Variants in ZGRF1 observed in about 807,000 individuals in gnomAD.
The protein encoded by ZGRF1 is zinc finger GRF-type containing 1, also known as 5'-3' DNA helicase ZGRF1.
Under a neutral mutation model 203.5 loss-of-function variants are expected in ZGRF1, and 196 were observed. The ratio of observed to expected loss-of-function variants is 0.96; its 90% CI spans 0.86 to 1.08. The LOEUF (loss-of-function observed/expected upper bound fraction) is 1.08. Ranked by LOEUF, ZGRF1 falls within the 50% of genes least tolerant of loss-of-function variation. The probability of loss-of-function intolerance (pLI) is 0.00; values close to 1 mark genes in which losing one functional copy is unlikely to be tolerated. For missense variants in ZGRF1, 2,326 were observed against 2,416.3 expected, an observed-to-expected ratio of 0.96 and a Z score of 0.78; for synonymous variants, 809 against 841.3, an observed-to-expected ratio of 0.96 and a Z score of 0.66.
intron 11 of ZGRF1, 177 bp downstream of exon 11, chr4:112,589,547 G>T (rs1379278922): frequency 3.4e-6 from 2 of 596,170 alleles, no homozygotes; most frequent in Non-Finnish European, 3.0e-6. Flanking sequence ...AGGGAATATT[G>T]TACCTGGAAT....
intron 4 of ZGRF1, among the ~76,000 whole-genome samples, chr4:112,622,129 A>G (rs2047081231): frequency 6.6e-6 from 1 of 152,226 alleles, no homozygotes; most frequent in Admixed American, 6.5e-5. Context: ...TAAAAGTAAC[A>G]TAACCACTAC....
Position 112,583,992 on chromosome 4 carries a change from G to T in ZGRF1, c.4284C>A (p.Cys1428Ter). The change falls in exon 15 of 28, where the codon TGC becomes TGA. Residue 1428 changes from cysteine to a stop codon, truncating the protein, a stop_gained. Coordinates refer to ENST00000505019, the MANE Select transcript of ZGRF1 (RefSeq NM_018392.5). LOFTEE classifies it high-confidence loss of function. ...RSQKIPLYEE[C>*]QLLVRKGFDF... ...ATAAAACATACCTCACCAAAAGCTGGCATTCCTCATAAAGTGGTATCTTTT... is the reference window on the plus strand; with the variant it reads ...ATAAAACATACCTCACCAAAAGCTGTCATTCCTCATAAAGTGGTATCTTTT... 1 of 1,598,832 alleles carries T rather than the reference G, an allele frequency of 6.3e-7. No homozygotes were observed. The highest frequency in any genetic ancestry group is 8.5e-7 in the Non-Finnish European group (1 of 1,173,816).
chr4:112,543,705 G>A (rs574211585), intron 24 of ZGRF1, among the ~76,000 whole-genome samples: 1 of 152,322 alleles, frequency 6.6e-6, no homozygotes, highest in East Asian at 1.9e-4. Flanking sequence ...AGGAATGACA[G>A]TTTCTTTGAA....
At chr4:112,588,107 A>C (rs145145617) in intron 11 of ZGRF1, among the ~76,000 whole-genome samples, 178 bp from the exon 12 acceptor site, 1 of 152,134 alleles carries the variant, frequency 6.6e-6, no homozygotes, top group Non-Finnish European at 1.5e-5. Flanking sequence ...TAAAGATTTC[A>C]AAGCTTAATT....
In ZGRF1 at chr4:112,589,718, G is replaced by A. The variant is rs773962344; in HGVS notation, c.3127+6C>T. 1.1e-5 allele frequency: 18 copies of A among 1,612,918 alleles called. No homozygotes were observed. Among genetic ancestry groups the A allele is most frequent in the East Asian group, 4.5e-5 (2 of 44,866 alleles). On this transcript the variant is annotated splice_donor_region_variant and intron_variant, in intron 11 of 27. Coordinates refer to ENST00000505019, the MANE Select transcript of ZGRF1 (RefSeq NM_018392.5). ...ACAGATATTAGAGCAATGTGGTAAC[G>A]ACTACCCTCCAAGTTGAGAAAATGA...
chr4:112,617,123 C>T (rs1223925616), intron 6 of ZGRF1, among the ~76,000 whole-genome samples: 1 of 151,946 alleles, frequency 6.6e-6, no homozygotes, highest in Non-Finnish European at 1.5e-5. Flanking sequence ...CACACACATA[C>T]ATACATATAT....
chr4:112,579,023 T>A (rs1745738147), intron 16 of ZGRF1, among the ~76,000 whole-genome samples: 1 of 122,734 alleles, frequency 8.1e-6, no homozygotes, highest in Non-Finnish European at 1.8e-5. Context: ...AAATCCTCAA[T>A]AAAATACTGG....
At chr4:112,608,931 T>G (rs1468534588) in intron 8 of ZGRF1, among the ~76,000 whole-genome samples, 2 of 152,198 alleles carry the variant, frequency 1.3e-5, no homozygotes, top group Non-Finnish European at 1.5e-5. Flanking sequence ...GATCATATAG[T>G]ACATTTATAC....
intron 8 of ZGRF1, among the ~76,000 whole-genome samples, chr4:112,608,847 T>C (rs1357543371): frequency 1.3e-5 from 2 of 152,142 alleles, no homozygotes; most frequent in African/African-American, 2.4e-5. Flanking sequence ...CAATGACCCA[T>C]GGGTTTGGTA....
intron 1 of ZGRF1, among the ~76,000 whole-genome samples, chr4:112,634,536 A>G (rs2047516227): frequency 6.6e-6 from 1 of 151,968 alleles, no homozygotes; most frequent in African/African-American, 2.4e-5. Flanking sequence ...CTATAATCCC[A>G]GCTACTTGGG....
chr4:112,554,053 TTTTC>T (rs1486521799), intron 21 of ZGRF1, 71 bp from the exon 22 acceptor site: 6 of 1,365,870 alleles, frequency 4.4e-6, no homozygotes, highest in Non-Finnish European at 5.9e-6. Flanking sequence ...AAAATATAGA[TTTTC>T]TTTTTTTTAT....
At chr4:112,612,458 T>C in intron 7 of ZGRF1, 66 bp downstream of exon 7, 1 of 1,043,408 alleles carries the variant, frequency 9.6e-7, no homozygotes, top group Non-Finnish European at 1.5e-6. Flanking sequence ...ACTATAATTC[T>C]ATTACAAATT....
At position 112,612,558 on chromosome 4, in the gene ZGRF1, G is replaced by A. The variant is rs1191028547; in HGVS notation, c.2633C>T (p.Pro878Leu). 1 of 1,607,194 alleles carries A rather than the reference G, an allele frequency of 6.2e-7. No homozygotes were observed. Among genetic ancestry groups the A allele is most frequent in the African/African-American group, 1.3e-5 (1 of 74,734 alleles). ...ATCCTTGTGCAGATGAGGAGACTTTGGTGAAACTACTGTAATAAATGGTTT... is the reference window on the plus strand; with the variant it reads ...ATCCTTGTGCAGATGAGGAGACTTTAGTGAAACTACTGTAATAAATGGTTT... Reference protein sequence around the residue: ...VRKPFITVVSPKSPHLHKDSQ... With the variant: ...VRKPFITVVSLKSPHLHKDSQ... The change falls in exon 7 of 28, where the codon CCA becomes CTA. Residue 878 changes from proline to leucine, a missense_variant. Transcript: ENST00000505019.
chr4:112,597,358 G>C (rs1749202223), intron 10 of ZGRF1, among the ~76,000 whole-genome samples: 1 of 149,082 alleles, frequency 6.7e-6, no homozygotes, highest in African/African-American at 2.5e-5. Context: ...CCCATCTCTA[G>C]AAAAAGTTTT....
At chr4:112,629,589 G>A (rs908633267) in intron 3 of ZGRF1, among the ~76,000 whole-genome samples, 1 of 152,132 alleles carries the variant, frequency 6.6e-6, no homozygotes, top group Admixed American at 6.5e-5. Flanking sequence ...AGGATCACTT[G>A]AGCCTAGGAG....
chr4:112,559,393 T>C (rs563967448), intron 19 of ZGRF1, among the ~76,000 whole-genome samples: 3 of 152,210 alleles, frequency 2.0e-5, no homozygotes, highest in Admixed American at 6.5e-5. Context: ...AGAGACAGCA[T>C]TTTGCCATGT....
chr4:112,601,923 G>C (rs1316219250), intron 10 of ZGRF1, among the ~76,000 whole-genome samples: 1 of 151,566 alleles, frequency 6.6e-6, no homozygotes, highest in African/African-American at 2.4e-5. Context: ...ATGAGGAAGA[G>C]GCCAGGCATG....
chr4:112,606,996 A>T (rs1164743184), intron 8 of ZGRF1, among the ~76,000 whole-genome samples: 1 of 152,248 alleles, frequency 6.6e-6, no homozygotes. Flanking sequence ...CACTTCCCCA[A>T]CAGACCAGAG....
At position 112,618,500 on chromosome 4, in the gene ZGRF1, A is replaced by G; in HGVS notation, c.1542T>C (p.Asn514=). The G allele has an allele frequency of 6.2e-7, 1 of 1,613,130 alleles. No homozygotes were observed. Among genetic ancestry groups the G allele is most frequent in the Non-Finnish European group, 8.5e-7 (1 of 1,179,472 alleles). ...SESKMDNESL[N]SIHESLSNVT... ...CATTACTCAGAGATTCATGAATACT[A>G]TTAAGACTTTCATTATCCATTTTAC... Residue 514 remains asparagine, a synonymous_variant, in exon 6 of 28, where the codon AAT becomes AAC. Transcript: ENST00000505019.
Sources: gnomAD v4.1 joint callset for allele counts (sites outside exome capture counted in the v4.1 genomes callset) on GRCh38, gnomAD v4.1.1 for gene constraint, MANE v1.5 for transcripts, NCBI Gene and HGNC (gene_info 2026-07-23, HGNC 2026-07-21) for gene names.